NPSR1: variants seen among roughly 807,000 people sequenced by gnomAD.
NPSR1 encodes neuropeptide S receptor.
A neutral mutation model predicts 46.9 loss-of-function variants in NPSR1; 48 were observed. The observed-to-expected ratio is 1.02, with a 90% CI of 0.81 to 1.30. The LOEUF is 1.30. Among genes scored for constraint, NPSR1 ranks in the 50% most tolerant of loss-of-function variants. The pLI is 0.00. For synonymous variants in NPSR1, 176 were observed against 168.1 expected (o/e 1.05, Z -0.36); for missense variants, 450 against 449.5 (o/e 1.00, Z -0.01).
At chr7:34,762,628 T>C (rs1040387363) in intron 2 of NPSR1, among the ~76,000 whole-genome samples, 6 of 152,138 alleles carry the variant, frequency 3.9e-5, no homozygotes, top group Admixed American at 6.5e-5. Flanking sequence ...TATTATTATA[T>C]ATACACACTC....
intron 1 of NPSR1, among the ~76,000 whole-genome samples, chr7:34,682,159 A>G (rs1367253451): frequency 1.3e-5 from 2 of 152,222 alleles, no homozygotes; most frequent in Non-Finnish European, 2.9e-5. Context: ...CTTCCCTAGA[A>G]GACTCAGAAT....
intron 1 of NPSR1, among the ~76,000 whole-genome samples, chr7:34,675,018 T>C (rs1792245866): frequency 6.6e-6 from 1 of 152,234 alleles, no homozygotes. Flanking sequence ...AAGCAGGGCA[T>C]GGTCTTTCCA....
chr7:34,781,720 T>C (rs777183538), intron 3 of NPSR1, among the ~76,000 whole-genome samples: 7 of 152,158 alleles, frequency 4.6e-5, no homozygotes, highest in African/African-American at 1.2e-4. Context: ...CTCCCAACCA[T>C]GTGTAAGCTC....
intron 1 of NPSR1, among the ~76,000 whole-genome samples, chr7:34,681,961 G>C (rs546513215): frequency 1.3e-5 from 2 of 152,242 alleles, no homozygotes; most frequent in East Asian, 3.9e-4. Flanking sequence ...AGAGAGAAAG[G>C]GCAATTTAAA....
At chr7:34,776,718 C>T (rs1293077154) in intron 2 of NPSR1, among the ~76,000 whole-genome samples, 1 of 152,134 alleles carries the variant, frequency 6.6e-6, no homozygotes, top group Non-Finnish European at 1.5e-5. Context: ...CCAAAGTCTT[C>T]AATGTACCTG....
intron 8 of NPSR1, among the ~76,000 whole-genome samples, chr7:34,855,919 C>A (rs1288132360): frequency 6.6e-6 from 1 of 152,066 alleles, no homozygotes; most frequent in African/African-American, 2.4e-5. Flanking sequence ...TATATAAACT[C>A]AACAGATGCA....
intron 8 of NPSR1, among the ~76,000 whole-genome samples, chr7:34,875,130 G>C (rs948262701): frequency 6.6e-6 from 1 of 152,102 alleles, no homozygotes; most frequent in Non-Finnish European, 1.5e-5. Context: ...ATATTTATTG[G>C]ATGAATGAAT....
At chr7:34,754,708 T>G (rs1370742110) in intron 2 of NPSR1, among the ~76,000 whole-genome samples, 2 of 152,230 alleles carry the variant, frequency 1.3e-5, no homozygotes, top group Admixed American at 1.3e-4. Flanking sequence ...TTCACAGATA[T>G]GTATAACCAT....
chr7:34,805,022 GA>G (rs75862380), intron 3 of NPSR1, among the ~76,000 whole-genome samples: 67 of 151,138 alleles, frequency 4.4e-4, no homozygotes, highest in African/African-American at 1.6e-3. Context: ...AAAACTGATG[GA>G]AAAAAAAGCA....
chr7:34,794,945 A>G (rs1431021502), intron 3 of NPSR1, among the ~76,000 whole-genome samples: 1 of 152,146 alleles, frequency 6.6e-6, no homozygotes, highest in Non-Finnish European at 1.5e-5. Context: ...AGGTTGAGGC[A>G]GGAGGATTAT....
At chr7:34,747,087 T>A (rs2128721808) in intron 2 of NPSR1, among the ~76,000 whole-genome samples, 1 of 141,350 alleles carries the variant, frequency 7.1e-6, no homozygotes, top group South Asian at 2.2e-4. Context: ...ACTGCGCCAC[T>A]GCACTCCAGC....
At chr7:34,810,490 G>C (rs960234637) in intron 3 of NPSR1, among the ~76,000 whole-genome samples, 6 of 152,174 alleles carry the variant, frequency 3.9e-5, no homozygotes, top group African/African-American at 1.4e-4. Flanking sequence ...AGGAAGAGGA[G>C]ACCCAGATCC....
intron 1 of NPSR1, among the ~76,000 whole-genome samples, chr7:34,665,279 C>A (rs1791679561): frequency 6.6e-6 from 1 of 152,142 alleles, no homozygotes. Flanking sequence ...GTAGCTACAC[C>A]TTCTAGAACA....
At chr7:34,725,283 CAAA>C (rs1446380373) in intron 2 of NPSR1, among the ~76,000 whole-genome samples, 1 of 152,022 alleles carries the variant, frequency 6.6e-6, no homozygotes, top group Non-Finnish European at 1.5e-5. Flanking sequence ...ATACTATAGC[CAAA>C]ATGGATGTCA....
intron 2 of NPSR1, among the ~76,000 whole-genome samples, chr7:34,724,735 T>C (rs941915767): frequency 2.6e-5 from 4 of 152,140 alleles, no homozygotes; most frequent in Non-Finnish European, 4.4e-5. Flanking sequence ...TGGCTAAGCC[T>C]CACCTTACCT....
At chr7:34,824,389 A>G (rs1458777824) in intron 4 of NPSR1, among the ~76,000 whole-genome samples, 1 of 152,172 alleles carries the variant, frequency 6.6e-6, no homozygotes, top group Admixed American at 6.5e-5. Flanking sequence ...AGTCTACCTT[A>G]TATGCAAACC....
chr7:34,828,849 G>C (rs1789984712), intron 5 of NPSR1, among the ~76,000 whole-genome samples: 1 of 152,066 alleles, frequency 6.6e-6, no homozygotes, highest in South Asian at 2.1e-4. Context: ...ATTGCTTCTT[G>C]GCCTGTTAGC....
intron 1 of NPSR1, among the ~76,000 whole-genome samples, chr7:34,676,174 C>T (rs78346553): frequency 0.015 from 2,255 of 152,228 alleles, 24 homozygotes; most frequent in Middle Eastern, 0.034. Context: ...AGTCCACAAA[C>T]CTAAGGGAGG....
intron 7 of NPSR1, chr7:34,845,673 A>G: frequency 2.3e-6 from 1 of 439,360 alleles, no homozygotes; most frequent in Non-Finnish European, 4.5e-6. Context: ...CAGGATATAG[A>G]TTGATTTTCT....
Sources: gnomAD v4.1 joint callset for allele counts (sites outside exome capture counted in the v4.1 genomes callset) on GRCh38, gnomAD v4.1.1 for gene constraint, MANE v1.5 for transcripts, NCBI Gene and HGNC (gene_info 2026-07-23, HGNC 2026-07-21) for gene names.